The following TTC27 variants were observed in gnomAD, a reference collection of about 807,000 sequenced individuals.
TTC27 encodes the protein tetratricopeptide repeat protein 27.
TTC27 carries 79 observed loss-of-function variants against 115.9 expected under a neutral mutation model. The ratio of observed to expected loss-of-function variants is 0.68; its 90% confidence interval spans 0.57 to 0.82. TTC27 has a LOEUF of 0.82. Ranked by LOEUF, TTC27 falls within the 40% of genes least tolerant of loss-of-function variation. The probability of loss-of-function intolerance (pLI) is 0.00; values close to 1 mark genes in which losing one functional copy is unlikely to be tolerated. For synonymous variants in TTC27, 401 were observed against 356.0 expected (o/e 1.13, Z -1.42); for missense variants, 1,054 against 993.1 (o/e 1.06, Z -0.82).
chr2:32,686,926 C>T (rs1666650871), intron 9 of TTC27, among the ~76,000 whole-genome samples: 1 of 152,074 alleles, frequency 6.6e-6, no homozygotes. Flanking sequence ...CTCACTGCAA[C>T]CTCTACCTCC....
chr2:32,693,802 C>T (rs1171249011), intron 9 of TTC27, among the ~76,000 whole-genome samples: 2 of 152,096 alleles, frequency 1.3e-5, no homozygotes, highest in Non-Finnish European at 2.9e-5. Flanking sequence ...GACAGTAAAG[C>T]GCTAACAAAA....
intron 4 of TTC27, among the ~76,000 whole-genome samples, chr2:32,647,965 T>C (rs1182715087): frequency 6.6e-6 from 1 of 152,326 alleles, no homozygotes; most frequent in East Asian, 1.9e-4. Context: ...TAATTTATAA[T>C]GAGCTTATCA....
At chr2:32,650,950 G>T (rs1471018687) in intron 5 of TTC27, among the ~76,000 whole-genome samples, 1 of 152,052 alleles carries the variant, frequency 6.6e-6, no homozygotes, top group Non-Finnish European at 1.5e-5. Context: ...AATCTTAGGT[G>T]CCTTAATACT....
intron 16 of TTC27, among the ~76,000 whole-genome samples, chr2:32,796,381 G>T (rs539522575): frequency 6.6e-6 from 1 of 152,284 alleles, no homozygotes; most frequent in East Asian, 1.9e-4. Flanking sequence ...TACCCAAAGT[G>T]ATGTCTGGAA....
chr2:32,700,091 C>T (rs1455957792), intron 9 of TTC27, among the ~76,000 whole-genome samples: 1 of 152,158 alleles, frequency 6.6e-6, no homozygotes, highest in Non-Finnish European at 1.5e-5. Context: ...TGCCCATGCC[C>T]ACTCCGGAGA....
Position 32,664,339 on chromosome 2 carries a change from G to T in TTC27, c.677G>T (p.Gly226Val), listed in dbSNP as rs576904946. Reference sequence around the variant, plus strand: ...CAGAATCTGTTTGTAGATGATTCAGGTCGATATTTGGCTATTCAATTCCAT... The same window carrying T: ...CAGAATCTGTTTGTAGATGATTCAGTTCGATATTTGGCTATTCAATTCCAT... ...KLQNLFVDDS[G>V]RYLAIQFHLE... Residue 226 changes from glycine (G) to valine (V), a missense_variant, in exon 6 of 20, where the codon GGT (glycine) becomes GTT (valine). Physicochemically the swap from Gly to Val is moderately radical, Grantham distance 109. Transcript: ENST00000317907. The T allele has an allele frequency of 6.2e-7, 1 of 1,609,316 alleles. No individual in the cohort carries two copies. The highest frequency in any genetic ancestry group is 8.5e-7 in the Non-Finnish European group (1 of 1,177,618).
In TTC27 at chr2:32,640,389, A is replaced by G. The variant is rs1572465322; in HGVS notation, c.516A>G (p.Arg172=). ...LLARIILVNV[R]HKLTAIQSLP... is the part of the protein sequence containing the mutation. ...CACGCATTATCCTAGTGAATGTAAG[A>G]CATAAACTGACAGCTATTCAGGTAA... The change falls in exon 4 of 20, where the codon AGA becomes AGG. Residue 172 remains arginine (R), a synonymous_variant. Transcript: ENST00000317907. The G allele has an allele frequency of 6.2e-7, 1 of 1,613,728 alleles. No individual in the cohort carries two copies. The highest frequency in any genetic ancestry group is 2.2e-5 in the East Asian group (1 of 44,868).
chr2:32,672,884 G>A (rs939807156), intron 8 of TTC27, among the ~76,000 whole-genome samples: 9 of 152,200 alleles, frequency 5.9e-5, no homozygotes, highest in Admixed American at 5.9e-4. Context: ...ATAATTTAGT[G>A]TATATTTCCA....
At position 32,662,739 on chromosome 2, in the gene TTC27, A is replaced by AT. The variant is rs1026443007; in HGVS notation, c.641-1555dup. Among the ~76,000 whole-genome samples the AT allele has an allele frequency of 6.2e-3, 927 of 149,572 alleles. 9 individuals are homozygous for AT. The highest frequency in any genetic ancestry group is 0.021 in the African/African-American group (853 of 40,756). On this transcript the variant is annotated intron_variant, in intron 5 of 19. Transcript: ENST00000317907. ...AACCAGCTCTTGGATTCATTTGTTT[A>AT]TTTTTTTTTGGAAGGGTTTTTTGTG...
intron 15 of TTC27, among the ~76,000 whole-genome samples, chr2:32,785,998 G>T (rs1670335535): frequency 6.6e-6 from 1 of 151,824 alleles, no homozygotes; most frequent in East Asian, 1.9e-4. Flanking sequence ...ACAATTTTCT[G>T]TTCCTTTTCA....
At chr2:32,706,015 A>G (rs1667353324) in intron 10 of TTC27, among the ~76,000 whole-genome samples, 1 of 139,120 alleles carries the variant, frequency 7.2e-6, no homozygotes, top group Non-Finnish European at 1.6e-5. Context: ...TTATGGACTT[A>G]TGGATTCCTG....
intron 10 of TTC27, among the ~76,000 whole-genome samples, chr2:32,721,291 G>A (rs1667916992): frequency 6.6e-6 from 1 of 152,102 alleles, no homozygotes; most frequent in African/African-American, 2.4e-5. Flanking sequence ...GTAAGGGACA[G>A]AAACCCAATT....
Position 32,820,969 on chromosome 2 carries a change from CT to C in TTC27, c.*34del. On this transcript the variant is annotated 3_prime_UTR_variant, in exon 20 of 20. Transcript: ENST00000317907. ...CTGGAAGCAGATTCTGGAAAAGGTGCTTTCACCTGCTGGTAAAAGATACATC... is the reference window on the plus strand; with the variant it reads ...CTGGAAGCAGATTCTGGAAAAGGTGCTTCACCTGCTGGTAAAAGATACATC... The C allele has an allele frequency of 6.9e-7, 1 of 1,448,884 alleles. No individual in the cohort carries two copies. Among genetic ancestry groups the C allele is most frequent in the Non-Finnish European group, 9.2e-7 (1 of 1,087,494 alleles). The allele number at this position is 1,448,884 out of a possible 1,614,324, so 89.8% of individuals were successfully genotyped here.
chr2:32,675,659 A>G (rs1666170643), intron 8 of TTC27, among the ~76,000 whole-genome samples: 1 of 152,188 alleles, frequency 6.6e-6, no homozygotes, highest in African/African-American at 2.4e-5. Context: ...GGGTTTTTAA[A>G]TAGTGATTTT....
chr2:32,674,484 C>T (rs988093351), intron 8 of TTC27, among the ~76,000 whole-genome samples: 3 of 151,970 alleles, frequency 2.0e-5, no homozygotes, highest in South Asian at 2.1e-4. Flanking sequence ...TAGAACTCAC[C>T]CTTTGGTGTT....
chr2:32,758,107 G>A (rs1005464707), intron 12 of TTC27, among the ~76,000 whole-genome samples, 185 bp from the exon 13 acceptor site: 2 of 152,090 alleles, frequency 1.3e-5, no homozygotes, highest in Admixed American at 1.3e-4. Flanking sequence ...ATATCTCTGA[G>A]GTATGCCTGT....
chr2:32,631,999 TG>T (rs1277594068), intron 2 of TTC27, among the ~76,000 whole-genome samples: 1 of 151,600 alleles, frequency 6.6e-6, no homozygotes, highest in Non-Finnish European at 1.5e-5. Flanking sequence ...TTAGTAGAGA[TG>T]GGGTTTCACC....
At chr2:32,665,720 C>T (rs772648947) in intron 6 of TTC27, among the ~76,000 whole-genome samples, 5 of 151,830 alleles carry the variant, frequency 3.3e-5, no homozygotes, top group South Asian at 2.1e-4. Flanking sequence ...TGGCAAAACC[C>T]GCCTCACTAA....
intron 7 of TTC27, among the ~76,000 whole-genome samples, chr2:32,669,405 T>C (rs1192640034): frequency 6.6e-6 from 1 of 152,268 alleles, no homozygotes; most frequent in Admixed American, 6.5e-5. Flanking sequence ...ATGGATTAGA[T>C]AGAAACATAG....
Sources: allele counts gnomAD v4.1 joint callset (sites outside exome capture counted in the v4.1 genomes callset), GRCh38; gene constraint gnomAD v4.1.1; transcripts MANE v1.5; gene names NCBI Gene and HGNC (gene_info 2026-07-23, HGNC 2026-07-21).